The following ACSS2 variants were observed in gnomAD, a reference collection of about 807,000 sequenced individuals.
ACSS2 encodes acyl-CoA synthetase short chain family member 2.
In ACSS2, 58 loss-of-function variants were observed where a neutral mutation model predicts 90.6. The ratio of observed to expected loss-of-function variants is 0.64; its 90% confidence interval spans 0.52 to 0.80. ACSS2 has a LOEUF of 0.80. ACSS2 is among the 30% of genes least tolerant of loss of function. ACSS2 has a pLI of 0.00. For missense variants in ACSS2, 759 were observed against 912.0 expected (o/e 0.83, Z 2.16); for synonymous variants, 300 against 330.9 (o/e 0.91, Z 1.01).
intron 1 of ACSS2, among the ~76,000 whole-genome samples, chr20:34,877,938 A>AGATAGATAGATG (rs1333562618): frequency 6.6e-6 from 1 of 150,736 alleles, no homozygotes; most frequent in Non-Finnish European, 1.5e-5. Context: ...ATAGATAGAT[A>AGATAGATAGATG]GATAGTTTGT....
In ACSS2 at chr20:34,906,983, C is replaced by CAA. The variant is rs1228479859; in HGVS notation, c.375-6093_375-6092dup. The stretch of plus-strand genomic sequence containing the variant: ...TGGGTGACAGAGCGAGACTCCATCT[C>CAA]AAAAAAAAAAAAAAAAAAAAAGATC... On this transcript the variant is annotated intron_variant, in intron 2 of 17. Coordinates refer to ENST00000360596, the MANE Select transcript of ACSS2 (RefSeq NM_018677.4). 2.0e-3 allele frequency among the ~76,000 whole-genome samples: 82 copies of CAA among 41,248 alleles called. 1 individual carries two copies. Among genetic ancestry groups the CAA allele is most frequent in the African/African-American group, 3.9e-3 (51 of 13,118 alleles). The allele number at this position is 41,248 out of a possible 152,430, so 27.1% of individuals were successfully genotyped here.
chr20:34,885,921 T>C (rs2080180674), intron 2 of ACSS2, among the ~76,000 whole-genome samples: 1 of 147,932 alleles, frequency 6.8e-6, no homozygotes, highest in African/African-American at 2.7e-5. Context: ...TTAGGCATTA[T>C]GGATATGGGG....
chr20:34,877,206 T>G (rs2079937558), intron 1 of ACSS2, among the ~76,000 whole-genome samples: 1 of 152,008 alleles, frequency 6.6e-6, no homozygotes, highest in Non-Finnish European at 1.5e-5. Context: ...GACGGGAGCC[T>G]TGAAGGGAGG....
intron 2 of ACSS2, among the ~76,000 whole-genome samples, chr20:34,906,334 C>CAAA (rs34277751): frequency 2.8e-3 from 212 of 75,854 alleles, no homozygotes; most frequent in African/African-American, 8.2e-3. Context: ...GACTCCGTCT[C>CAAA]AAAAAAAAAA....
chr20:34,902,569 A>T (rs1202006262), intron 2 of ACSS2, among the ~76,000 whole-genome samples: 1 of 152,160 alleles, frequency 6.6e-6, no homozygotes, highest in African/African-American at 2.4e-5. Context: ...TAGTAGGCAG[A>T]ATAGGAGAAT....
intron 2 of ACSS2, chr20:34,908,738 G>C (rs1436691613): frequency 3.1e-6 from 1 of 323,446 alleles, no homozygotes; most frequent in Non-Finnish European, 6.0e-6. Flanking sequence ...GTGCACGCCT[G>C]TAATCCCAGC....
intron 2 of ACSS2, among the ~76,000 whole-genome samples, chr20:34,900,166 CTTTTTT>C (rs34951413): frequency 1.3e-5 from 1 of 79,198 alleles, no homozygotes; most frequent in East Asian, 3.7e-4. Flanking sequence ...CATGCCTGAC[CTTTTTT>C]TTTTTTTTTT....
intron 2 of ACSS2, among the ~76,000 whole-genome samples, chr20:34,911,242 C>T (rs2080949798): frequency 6.9e-6 from 1 of 145,274 alleles, no homozygotes; most frequent in African/African-American, 2.6e-5. Flanking sequence ...GGCTGGAGTA[C>T]AGTGGCACAA....
At chr20:34,889,284 G>A (rs1275074511) in intron 2 of ACSS2, among the ~76,000 whole-genome samples, 8 of 151,638 alleles carry the variant, frequency 5.3e-5, no homozygotes, top group East Asian at 1.9e-4. Flanking sequence ...CACCATGCCC[G>A]GCTAATTTTT....
intron 2 of ACSS2, among the ~76,000 whole-genome samples, chr20:34,896,170 C>T (rs1172798014): frequency 3.9e-5 from 6 of 152,170 alleles, no homozygotes; most frequent in Non-Finnish European, 8.8e-5. Flanking sequence ...CACAATCCAT[C>T]GGGCACCAAA....
At chr20:34,877,409 A>G (rs2079942644) in intron 1 of ACSS2, among the ~76,000 whole-genome samples, 1 of 152,144 alleles carries the variant, frequency 6.6e-6, no homozygotes, top group Non-Finnish European at 1.5e-5. Context: ...GCGGTATAAG[A>G]CTGAACGAGT....
intron 1 of ACSS2, among the ~76,000 whole-genome samples, chr20:34,880,718 A>G (rs2080052542): frequency 6.6e-6 from 1 of 151,912 alleles, no homozygotes; most frequent in Non-Finnish European, 1.5e-5. Flanking sequence ...TTAAATTTTT[A>G]CTAGTTTTCT....
intron 2 of ACSS2, among the ~76,000 whole-genome samples, chr20:34,908,255 A>G (rs1328244635): frequency 6.6e-6 from 1 of 152,222 alleles, no homozygotes; most frequent in Non-Finnish European, 1.5e-5. Flanking sequence ...CCAGGGATCC[A>G]CTTACAGTAA....
At position 34,920,534 on chromosome 20, in the gene ACSS2, C is replaced by T. The variant is rs571663466; in HGVS notation, c.973-5C>T. On this transcript the variant is annotated splice_polypyrimidine_tract_variant and splice_region_variant and intron_variant, in intron 8 of 17. Coordinates refer to ENST00000360596, the MANE Select transcript of ACSS2 (RefSeq NM_018677.4). The stretch of plus-strand genomic sequence containing the variant: ...ACCCTAACCTGTTCCCCATTCTTCC[C>T]ACAGGGTGTGGTTCACACAGTTGGG... The T allele has an allele frequency of 1.9e-6, 3 of 1,613,310 alleles. No individual in the cohort carries two copies. Among genetic ancestry groups the T allele is most frequent in the East Asian group, 2.2e-5 (1 of 44,880 alleles).
Position 34,914,454 on chromosome 20 carries a change from T to C in ACSS2, c.834+17T>C, listed in dbSNP as rs760431729. 1.3e-6 allele frequency: 2 copies of C among 1,575,920 alleles called. No homozygotes were observed. Among genetic ancestry groups the C allele is most frequent in the Non-Finnish European group, 1.7e-6 (2 of 1,161,630 alleles). On this transcript the variant is annotated intron_variant, in intron 7 of 17. Transcript: ENST00000360596. ...GATGTGCAGGTGAGTCTGGCACTGC[T>C]ATGCCTTTCTCCAGGCTCAAATTCC...
intron 2 of ACSS2, chr20:34,912,583 A>T (rs780442085): frequency 6.1e-6 from 1 of 163,444 alleles, no homozygotes; most frequent in African/African-American, 2.4e-5. Flanking sequence ...GCGCCTGGCC[A>T]ATTCTCAAGA....
Position 34,919,099 on chromosome 20 carries a change from T to A in ACSS2, c.835-336T>A, listed in dbSNP as rs1007347061. 5.3e-5 allele frequency among the ~76,000 whole-genome samples: 8 copies of A among 152,230 alleles called. No homozygotes were observed. In the South Asian group the frequency reaches 1.7e-3, roughly 32 times the overall value. ...TAGCAGGGTTGGGGGTAGCAATCTATCAGATACTGTTCAGGTAAAGGCTTT... is the reference window on the plus strand; with the variant it reads ...TAGCAGGGTTGGGGGTAGCAATCTAACAGATACTGTTCAGGTAAAGGCTTT... On this transcript the variant is annotated intron_variant, in intron 7 of 17. Transcript: ENST00000360596.
chr20:34,907,620 C>T (rs2080841220), intron 2 of ACSS2, among the ~76,000 whole-genome samples: 2 of 152,166 alleles, frequency 1.3e-5, no homozygotes, highest in Admixed American at 1.3e-4. Context: ...TACAAGTGAG[C>T]GCACATAGGT....
intron 1 of ACSS2, among the ~76,000 whole-genome samples, chr20:34,881,175 C>T (rs1048927699): frequency 1.3e-5 from 2 of 151,420 alleles, no homozygotes; most frequent in African/African-American, 4.9e-5. Flanking sequence ...TACAAGCACC[C>T]GCTACCACAC....
Sources: allele counts gnomAD v4.1 joint callset (sites outside exome capture counted in the v4.1 genomes callset), GRCh38; gene constraint gnomAD v4.1.1; transcripts MANE v1.5; gene names NCBI Gene and HGNC (gene_info 2026-07-23, HGNC 2026-07-21).